UBP1: variants seen among roughly 807,000 people sequenced by gnomAD.
UBP1 encodes upstream-binding protein 1.
In UBP1, 22 loss-of-function variants were observed where a neutral mutation model predicts 76.1. That is an observed-to-expected ratio of 0.29 (90% confidence interval 0.21 to 0.41). The LOEUF (loss-of-function observed/expected upper bound fraction) is 0.41. Among genes scored for constraint, UBP1 ranks in the 10% least tolerant of loss-of-function variants. The probability of loss-of-function intolerance (pLI) is 1.00; values close to 1 mark genes in which losing one functional copy is unlikely to be tolerated. For missense variants in UBP1, 436 were observed against 668.1 expected (o/e 0.65, Z 3.83); for synonymous variants, 224 against 237.1 (o/e 0.94, Z 0.51).
At position 33,389,187 on chromosome 3, in the gene UBP1, G is replaced by A. The variant is rs2043653912; in HGVS notation, c.*1144C>T. ...TGAAAGAGGCACTCTTATAGAGAAA[G>A]AAGCTAGTATGTGGTGTATAAAAAG... On this transcript the variant is annotated 3_prime_UTR_variant, in exon 16 of 16. Transcript: ENST00000283629. The A allele has an allele frequency of 6.6e-6, 1 of 152,634 alleles. No homozygotes were observed. Among genetic ancestry groups the A allele is most frequent in the Non-Finnish European group, 1.5e-5 (1 of 68,044 alleles). 9.5% of individuals were successfully genotyped at this position (152,634 alleles called of 1,614,324 possible).
chr3:33,435,940 A>G (rs1306457552), intron 1 of UBP1, among the ~76,000 whole-genome samples: 1 of 152,232 alleles, frequency 6.6e-6, no homozygotes, highest in African/African-American at 2.4e-5. Flanking sequence ...CATAAGTTGG[A>G]GATCATCTGT....
At chr3:33,394,654 G>A (rs1424001064) in intron 13 of UBP1, among the ~76,000 whole-genome samples, 2 of 152,058 alleles carry the variant, frequency 1.3e-5, no homozygotes, top group African/African-American at 4.8e-5. Flanking sequence ...TATCATTACT[G>A]AGAACTTTGC....
Position 33,439,877 on chromosome 3 carries a change from C to A in UBP1, c.-29G>T, listed in dbSNP as rs1348476157. 1.2e-6 allele frequency: 2 copies of A among 1,608,130 alleles called. No individual in the cohort carries two copies. On this transcript the variant is annotated 5_prime_UTR_variant, in exon 1 of 16. Transcript: ENST00000283629. ...CCGGCCTCGCCGTCGCCCCGCACAC[C>A]GCGGCCTCCGCGTCCAGGGCGAAGG...
At chr3:33,419,699 A>G (rs1390668475) in intron 2 of UBP1, among the ~76,000 whole-genome samples, 1 of 151,922 alleles carries the variant, frequency 6.6e-6, no homozygotes, top group Admixed American at 6.6e-5. Flanking sequence ...TGGTTTCCCT[A>G]TTGGAAACTA....
At chr3:33,427,207 C>T (rs1273062087) in intron 1 of UBP1, among the ~76,000 whole-genome samples, 3 of 152,198 alleles carry the variant, frequency 2.0e-5, no homozygotes, top group Non-Finnish European at 4.4e-5. Context: ...TCAAGTGATC[C>T]GCCCGCCTCA....
intron 11 of UBP1, chr3:33,398,121 C>T (rs1045644912): frequency 6.6e-6 from 1 of 152,116 alleles, no homozygotes; most frequent in African/African-American, 2.4e-5. Flanking sequence ...CTGAATGTAT[C>T]CATAATCTTT....
chr3:33,433,353 G>A (rs1474488969), intron 1 of UBP1, among the ~76,000 whole-genome samples: 4 of 127,296 alleles, frequency 3.1e-5, no homozygotes, highest in African/African-American at 9.5e-5. Flanking sequence ...GAGCCACCGC[G>A]CACCCAGCCT....
At position 33,390,008 on chromosome 3, in the gene UBP1, A is replaced by G. The variant is rs1054348587; in HGVS notation, c.*323T>C. The G allele has an allele frequency of 3.4e-6, 1 of 298,050 alleles. No individual in the cohort carries two copies. Among genetic ancestry groups the G allele is most frequent in the African/African-American group, 2.1e-5 (1 of 46,730 alleles). 18.5% of individuals were successfully genotyped at this position (298,050 alleles called of 1,614,324 possible). On this transcript the variant is annotated 3_prime_UTR_variant, in exon 16 of 16. Transcript: ENST00000283629. ...CTACATTCATTTCCAAACCGCATAC[A>G]GTGTAAAAAGACAGCAAAGGCTGCT...
intron 1 of UBP1, among the ~76,000 whole-genome samples, chr3:33,428,377 CAG>C (rs2045056517): frequency 6.6e-6 from 1 of 151,970 alleles, no homozygotes; most frequent in Non-Finnish European, 1.5e-5. Context: ...AAAAATAACA[CAG>C]GGAATAATTT....
At chr3:33,425,872 T>TTTAAA (rs1553679178) in intron 1 of UBP1, 131 bp from the exon 2 acceptor site, 49 of 748,644 alleles carry the variant, frequency 6.5e-5, no homozygotes, top group Middle Eastern at 2.9e-4. Flanking sequence ...ATAGTTTTTT[T>TTTAAA]TTTAAGATCA....
rs181041111 is a variant in UBP1, at chr3:33,437,096, T to C, written c.113+2640A>G. Among the ~76,000 whole-genome samples, 362 of 152,050 alleles carry C rather than the reference T, an allele frequency of 2.4e-3. 1 individual carries two copies. Among genetic ancestry groups the C allele is most frequent in the Non-Finnish European group, 4.3e-3 (290 of 67,974 alleles). ...CTAAACAAAAACAACAACAAAAAAG[T>C]ATAATACAACAGCACACACAGAACA... On this transcript the variant is annotated intron_variant, in intron 1 of 15. Coordinates refer to ENST00000283629, the MANE Select transcript of UBP1 (RefSeq NM_014517.5).
intron 7 of UBP1, 72 bp downstream of exon 7, chr3:33,409,164 G>C: frequency 7.0e-7 from 1 of 1,422,614 alleles, no homozygotes; most frequent in Non-Finnish European, 9.8e-7. Flanking sequence ...TTTTGTAGCA[G>C]AACTCATCTT....
At chr3:33,403,537 C>T (rs2044316076) in intron 8 of UBP1, 1 of 148,264 alleles carries the variant, frequency 6.7e-6, no homozygotes, top group African/African-American at 2.5e-5. Context: ...GTCTGTCTAT[C>T]TAATCTATCT....
At chr3:33,419,565 T>C (rs1178413267) in intron 2 of UBP1, among the ~76,000 whole-genome samples, 1 of 148,834 alleles carries the variant, frequency 6.7e-6, no homozygotes, top group Non-Finnish European at 1.5e-5. Context: ...GAGGCGGAGG[T>C]TGCGGTGAGC....
At position 33,438,811 on chromosome 3, in the gene UBP1, G is replaced by A. The variant is rs116493935; in HGVS notation, c.113+925C>T. 9.3e-3 allele frequency among the ~76,000 whole-genome samples: 1,417 copies of A among 152,228 alleles called. 20 individuals carry two copies. Among genetic ancestry groups the A allele is most frequent in the African/African-American group, 0.032 (1,324 of 41,526 alleles). ...AAGTCCTCCTCTAGAGCTGCAGTAAGATGTATGAATGCTACTGGGAAACTG... is the reference window on the plus strand; with the variant it reads ...AAGTCCTCCTCTAGAGCTGCAGTAAAATGTATGAATGCTACTGGGAAACTG... On this transcript the variant is annotated intron_variant, in intron 1 of 15. Transcript: ENST00000283629.
intron 3 of UBP1, among the ~76,000 whole-genome samples, chr3:33,413,218 G>A (rs988572077): frequency 1.3e-5 from 2 of 152,178 alleles, no homozygotes; most frequent in South Asian, 2.1e-4. Context: ...CAGAAACAAT[G>A]GTAAAACTTT....
chr3:33,420,035 C>T (rs2044845531), intron 2 of UBP1, among the ~76,000 whole-genome samples: 1 of 152,198 alleles, frequency 6.6e-6, no homozygotes, highest in Admixed American at 6.5e-5. Flanking sequence ...ATGTCCCCAC[C>T]CACCTTTGAA....
intron 11 of UBP1, 116 bp from the exon 12 acceptor site, chr3:33,397,251 C>T: frequency 1.5e-6 from 1 of 680,310 alleles, no homozygotes. Context: ...ATCCTGAATA[C>T]ACACATACAC....
intron 8 of UBP1, among the ~76,000 whole-genome samples, chr3:33,404,486 A>T (rs1347646023): frequency 1.4e-5 from 1 of 71,066 alleles, no homozygotes; most frequent in Non-Finnish European, 2.8e-5. Flanking sequence ...TAATAGGATT[A>T]AAAAAAAAAA....
Sources: gnomAD v4.1 joint callset for allele counts (sites outside exome capture counted in the v4.1 genomes callset) on GRCh38, gnomAD v4.1.1 for gene constraint, MANE v1.5 for transcripts, NCBI Gene and HGNC (gene_info 2026-07-23, HGNC 2026-07-21) for gene names.